Variants in CCDC68 observed in about 807,000 individuals in gnomAD.
The protein encoded by CCDC68 is coiled-coil domain containing 68.
In CCDC68, 45 loss-of-function variants were observed where a neutral mutation model predicts 47.1. The ratio of observed to expected loss-of-function variants is 0.96; its 90% confidence interval spans 0.75 to 1.23. CCDC68 has a LOEUF of 1.23. Ranked by LOEUF, CCDC68 falls within the 50% of genes most tolerant of loss-of-function variation. The pLI is 0.00. For synonymous variants in CCDC68, 131 were observed against 129.5 expected (o/e 1.01, Z -0.08); for missense variants, 353 against 373.6 (o/e 0.94, Z 0.45).
chr18:54,929,399 G>A (rs1168124774), intron 7 of CCDC68, among the ~76,000 whole-genome samples: 1 of 152,174 alleles, frequency 6.6e-6, no homozygotes, highest in Non-Finnish European at 1.5e-5. Context: ...TTAGGATACA[G>A]GAGAAACTGA....
At chr18:54,930,117 A>AT (rs1235528603) in intron 7 of CCDC68, among the ~76,000 whole-genome samples, 1 of 152,196 alleles carries the variant, frequency 6.6e-6, no homozygotes, top group Non-Finnish European at 1.5e-5. Flanking sequence ...AATATTAACC[A>AT]TTTTTTAAAA....
At chr18:54,937,679 G>T in intron 5 of CCDC68, 1 of 279,492 alleles carries the variant, frequency 3.6e-6, no homozygotes, top group Non-Finnish European at 6.8e-6. Context: ...ACAATGTTAT[G>T]CAGTAGATTT....
intron 7 of CCDC68, among the ~76,000 whole-genome samples, chr18:54,930,019 C>T: frequency 6.6e-6 from 1 of 152,036 alleles, no homozygotes; most frequent in East Asian, 1.9e-4. Context: ...TCATTAGAGC[C>T]CTGAGTCTGT....
chr18:54,918,492 A>G (rs1158210055), intron 9 of CCDC68, among the ~76,000 whole-genome samples: 1 of 152,232 alleles, frequency 6.6e-6, no homozygotes, highest in African/African-American at 2.4e-5. Flanking sequence ...GAGAGGGGAC[A>G]CAAGGATTCT....
At chr18:54,945,185 C>T (rs1032518207) in intron 2 of CCDC68, among the ~76,000 whole-genome samples, 153 of 152,156 alleles carry the variant, frequency 1.0e-3, no homozygotes, top group African/African-American at 3.6e-3. Context: ...TTTAGCAAAA[C>T]ATAGATAACT....
intron 1 of CCDC68, among the ~76,000 whole-genome samples, chr18:54,953,772 T>G (rs2044661683): frequency 6.6e-6 from 1 of 152,186 alleles, no homozygotes; most frequent in Non-Finnish European, 1.5e-5. Context: ...CAATAATACA[T>G]AAGAAATATA....
intron 11 of CCDC68, among the ~76,000 whole-genome samples, chr18:54,905,808 G>A (rs1457048783): frequency 1.3e-5 from 2 of 152,082 alleles, no homozygotes; most frequent in East Asian, 3.9e-4. Context: ...AGAGGGCGAA[G>A]CTTCATCTGT....
At chr18:54,945,130 T>C (rs1052811210) in intron 2 of CCDC68, among the ~76,000 whole-genome samples, 1 of 152,112 alleles carries the variant, frequency 6.6e-6, no homozygotes, top group Non-Finnish European at 1.5e-5. Context: ...GCTTTAAAAC[T>C]CAAAGAGAGA....
chr18:54,914,370 C>G (rs2043909036), intron 10 of CCDC68, among the ~76,000 whole-genome samples: 2 of 152,076 alleles, frequency 1.3e-5, no homozygotes, highest in Non-Finnish European at 2.9e-5. Context: ...ATAATCCCAG[C>G]ACTTTGGGAG....
intron 8 of CCDC68, among the ~76,000 whole-genome samples, chr18:54,922,324 C>A (rs766481407): frequency 2.0e-5 from 3 of 152,066 alleles, no homozygotes; most frequent in African/African-American, 4.8e-5. Context: ...TGGATGTTGG[C>A]AAACATTCTG....
intron 1 of CCDC68, among the ~76,000 whole-genome samples, chr18:54,953,568 A>G (rs952639693): frequency 9.9e-5 from 15 of 151,704 alleles, no homozygotes; most frequent in Non-Finnish European, 2.9e-5. Flanking sequence ...AGAGAGATAC[A>G]TAGATAGAGA....
At chr18:54,945,117 A>C (rs935228345) in intron 2 of CCDC68, among the ~76,000 whole-genome samples, 1 of 152,214 alleles carries the variant, frequency 6.6e-6, no homozygotes, top group Non-Finnish European at 1.5e-5. Flanking sequence ...TACATTTGGA[A>C]CTGCTTTAAA....
chr18:54,911,930 T>A (rs1914392982), intron 10 of CCDC68, among the ~76,000 whole-genome samples: 1 of 152,252 alleles, frequency 6.6e-6, no homozygotes, highest in Non-Finnish European at 1.5e-5. Flanking sequence ...TTAGTCTTGA[T>A]TCATAGACTT....
rs1341259254 is a variant in CCDC68, at chr18:54,901,585, A to C, written c.*2773T>G. ...TGTAGCATCAATTTTCTTTATGGTA[A>C]GGCATATTATAAGCAATTATTCAAA... On this transcript the variant is annotated 3_prime_UTR_variant, in exon 12 of 12. Coordinates refer to ENST00000591504, the MANE Select transcript of CCDC68 (RefSeq NM_025214.3). The C allele has an allele frequency of 6.6e-6, 1 of 152,226 alleles. No homozygotes were observed. The highest frequency in any genetic ancestry group is 1.9e-4 in the East Asian group (1 of 5,202). The allele number at this position is 152,226 out of a possible 1,614,324, so 9.4% of individuals were successfully genotyped here.
intron 7 of CCDC68, among the ~76,000 whole-genome samples, chr18:54,930,653 C>T (rs866387490): frequency 0.021 from 392 of 18,316 alleles, 25 homozygotes; most frequent in Middle Eastern, 0.077. Flanking sequence ...CTCCCTCCCT[C>T]CCTTCCTTCC....
rs1050674880 is a variant in CCDC68 at position 54,903,329 on chromosome 18, T to C, written c.*1029A>G. The C allele has an allele frequency of 2.0e-5, 3 of 152,222 alleles. No individual in the cohort carries two copies. The highest frequency in any genetic ancestry group is 7.2e-5 in the African/African-American group (3 of 41,472). 9.4% of individuals were successfully genotyped at this position (152,222 alleles called of 1,614,324 possible). A position where few individuals can be genotyped will look rare whatever the true frequency, so the allele number is the denominator to read the frequency against. On this transcript the variant is annotated 3_prime_UTR_variant, in exon 12 of 12. Transcript: ENST00000591504. ...AAGTTTGTTCTTTCCTGACTGTATG[T>C]CTGCATTTCTGCAAGTCAGAATTTG...
chr18:54,928,960 C>A (rs1308272903), intron 7 of CCDC68, 78 bp from the exon 8 acceptor site: 4 of 780,180 alleles, frequency 5.1e-6, no homozygotes, highest in Non-Finnish European at 8.9e-6. Flanking sequence ...CATACTATAA[C>A]TATGGCTTGA....
intron 8 of CCDC68, among the ~76,000 whole-genome samples, chr18:54,920,146 C>T (rs1251487378): frequency 6.6e-6 from 1 of 152,136 alleles, no homozygotes; most frequent in Admixed American, 6.5e-5. Flanking sequence ...TGTGGCAACA[C>T]CATCAAGCTT....
intron 1 of CCDC68, among the ~76,000 whole-genome samples, chr18:54,956,004 A>C (rs2044706678): frequency 7.0e-6 from 1 of 141,850 alleles, no homozygotes; most frequent in Non-Finnish European, 1.5e-5. Flanking sequence ...GGAAAATTAG[A>C]AGTTCAGACG....
Sources: allele counts gnomAD v4.1 joint callset (sites outside exome capture counted in the v4.1 genomes callset), GRCh38; gene constraint gnomAD v4.1.1; transcripts MANE v1.5; gene names NCBI Gene and HGNC (gene_info 2026-07-23, HGNC 2026-07-21).